Variants in PDE3B observed in about 807,000 individuals in gnomAD.
The protein encoded by PDE3B is cGMP-inhibited 3',5'-cyclic phosphodiesterase 3B.
In PDE3B, 66 loss-of-function variants were observed where a neutral mutation model predicts 116.8. The ratio of observed to expected loss-of-function variants is 0.56; its 90% CI spans 0.46 to 0.69. PDE3B has a LOEUF of 0.69. Among genes scored for constraint, PDE3B ranks in the 30% least tolerant of loss-of-function variants. The pLI, the probability that PDE3B is intolerant of heterozygous loss-of-function variation, is 0.00. For missense variants in PDE3B, 1,384 were observed against 1,368.1 expected (o/e 1.01, Z -0.18); for synonymous variants, 595 against 533.6 (o/e 1.12, Z -1.59).
At chr11:14,735,212 T>G (rs1297929761) in intron 1 of PDE3B, among the ~76,000 whole-genome samples, 1 of 152,110 alleles carries the variant, frequency 6.6e-6, no homozygotes, top group African/African-American at 2.4e-5. Flanking sequence ...AGATGAAAAG[T>G]TTCTAGATAC....
rs922178231 is a variant in PDE3B, at chr11:14,757,551, C to T, written c.979-14386C>T. ...TTTTGATTTGCATTTCTCTGATGGCCAGTGATGATGAGCATTTTTTCATGT... is the reference window on the plus strand; with the variant it reads ...TTTTGATTTGCATTTCTCTGATGGCTAGTGATGATGAGCATTTTTTCATGT... On this transcript the variant is annotated intron_variant, in intron 1 of 15. Coordinates refer to ENST00000282096, the MANE Select transcript of PDE3B (RefSeq NM_000922.4). Among the ~76,000 whole-genome samples the T allele has an allele frequency of 3.5e-5, 5 of 142,362 alleles. No homozygotes were observed. In the Middle Eastern group the frequency reaches 0.01, roughly 295 times the overall value. 93.4% of individuals were successfully genotyped at this position (142,362 alleles called of 152,430 possible).
intron 7 of PDE3B, among the ~76,000 whole-genome samples, chr11:14,819,728 G>C (rs1054225396): frequency 6.6e-6 from 1 of 151,976 alleles, no homozygotes; most frequent in African/African-American, 2.4e-5. Flanking sequence ...AGCTAGAAAA[G>C]GTGGATGAAT....
chr11:14,879,314 A>G, the PDE3B span: 1 of 1,613,174 alleles, frequency 6.2e-7, no homozygotes, highest in Non-Finnish European at 8.5e-7. Flanking sequence ...GAAAATCCCT[A>G]ATGGAACTAT....
chr11:14,749,159 G>A (rs1375811609), intron 1 of PDE3B, among the ~76,000 whole-genome samples: 2 of 152,098 alleles, frequency 1.3e-5, no homozygotes, highest in Admixed American at 6.6e-5. Context: ...AAAGTGCTGG[G>A]ATTACAAGCG....
chr11:14,768,576 T>C (rs1857557545), intron 1 of PDE3B, among the ~76,000 whole-genome samples: 1 of 151,536 alleles, frequency 6.6e-6, no homozygotes, highest in Non-Finnish European at 1.5e-5. Flanking sequence ...CTATACTCCA[T>C]TGTATGAATA....
chr11:14,779,846 A>G (rs1359017908), intron 2 of PDE3B, among the ~76,000 whole-genome samples: 1 of 152,230 alleles, frequency 6.6e-6, no homozygotes, highest in Non-Finnish European at 1.5e-5. Flanking sequence ...AATGGATTAA[A>G]TGCTCCAATT....
At chr11:14,843,329 T>G (rs1208437707) in intron 11 of PDE3B, among the ~76,000 whole-genome samples, 1 of 152,044 alleles carries the variant, frequency 6.6e-6, no homozygotes, top group African/African-American at 2.4e-5. Flanking sequence ...AGATAAGGAG[T>G]TGTAGTTAGG....
intron 4 of PDE3B, among the ~76,000 whole-genome samples, chr11:14,800,334 G>A (rs1371825210): frequency 6.6e-6 from 1 of 152,076 alleles, no homozygotes; most frequent in Non-Finnish European, 1.5e-5. Flanking sequence ...GCGTGGTGGT[G>A]CGCGCCTGTA....
rs1848145393 is a variant in PDE3B at position 14,871,779 on chromosome 11, G to GA, written c.*2122dup. On this transcript the variant is annotated 3_prime_UTR_variant, in exon 16 of 16. Coordinates refer to ENST00000282096, the MANE Select transcript of PDE3B (RefSeq NM_000922.4). Reference sequence around the variant, plus strand: ...CCCAAAAAAGTATCTCTCCCGAGCTGAAACTTAAAAATTCGTAAGTGTAAG... The same window carrying GA: ...CCCAAAAAAGTATCTCTCCCGAGCTGAAAACTTAAAAATTCGTAAGTGTAAG... 3 of 152,098 alleles carry GA rather than the reference G, an allele frequency of 2.0e-5. No individual in the cohort carries two copies. The highest frequency in any genetic ancestry group is 7.2e-5 in the African/African-American group (3 of 41,420). The allele number at this position is 152,098 out of a possible 1,614,324, so 9.4% of individuals were successfully genotyped here. A position where few individuals can be genotyped will look rare whatever the true frequency, so the allele number is the denominator to read the frequency against.
At chr11:14,792,295 T>C (rs1858413237) in intron 4 of PDE3B, among the ~76,000 whole-genome samples, 1 of 152,208 alleles carries the variant, frequency 6.6e-6, no homozygotes, top group South Asian at 2.1e-4. Flanking sequence ...TTTAAGACTC[T>C]TCCTTGATGT....
intron 1 of PDE3B, among the ~76,000 whole-genome samples, chr11:14,661,575 G>A (rs1853911781): frequency 6.6e-6 from 1 of 152,202 alleles, no homozygotes; most frequent in South Asian, 2.1e-4. Flanking sequence ...GTGACAGACG[G>A]CACCTGGAAA....
intron 13 of PDE3B, among the ~76,000 whole-genome samples, chr11:14,860,113 G>A (rs1847919324): frequency 6.6e-6 from 1 of 152,236 alleles, no homozygotes; most frequent in South Asian, 2.1e-4. Context: ...TCAGTGAGAA[G>A]TAAGGGTACC....
chr11:14,821,554 T>G (rs1859514314), intron 7 of PDE3B, among the ~76,000 whole-genome samples: 1 of 152,188 alleles, frequency 6.6e-6, no homozygotes, highest in African/African-American at 2.4e-5. Context: ...CAAACAACTT[T>G]TAGATTAACT....
intron 1 of PDE3B, among the ~76,000 whole-genome samples, chr11:14,700,148 A>G (rs1490120952): frequency 2.6e-5 from 4 of 151,818 alleles, no homozygotes; most frequent in Non-Finnish European, 4.4e-5. Context: ...TTTATTTGCC[A>G]TTGTATAGGC....
chr11:14,847,386 C>T (rs1847632961), intron 12 of PDE3B, among the ~76,000 whole-genome samples: 1 of 151,300 alleles, frequency 6.6e-6, no homozygotes, highest in East Asian at 1.9e-4. Flanking sequence ...CAAGAGAAAG[C>T]AGGAAAGATC....
At chr11:14,720,717 C>G (rs1856041132) in intron 1 of PDE3B, among the ~76,000 whole-genome samples, 1 of 7,440 alleles carries the variant, frequency 1.3e-4, no homozygotes, top group Non-Finnish European at 2.3e-4. Context: ...AACTGGCTAG[C>G]CATATGTAGA....
At chr11:14,802,604 C>T (rs932179824) in intron 4 of PDE3B, among the ~76,000 whole-genome samples, 2 of 152,154 alleles carry the variant, frequency 1.3e-5, no homozygotes, top group African/African-American at 2.4e-5. Context: ...AACCATCTTG[C>T]CTGGGAACAC....
chr11:14,735,958 T>TTGTG (rs59099319), intron 1 of PDE3B, among the ~76,000 whole-genome samples: 9,757 of 142,922 alleles, frequency 0.068, 397 homozygotes, highest in East Asian at 0.14. Flanking sequence ...GAATAATAGG[T>TTGTG]TGTGTGTGTG....
chr11:14,783,203 A>G (rs1858080738), intron 2 of PDE3B, among the ~76,000 whole-genome samples: 2 of 152,238 alleles, frequency 1.3e-5, no homozygotes, highest in African/African-American at 4.8e-5. Flanking sequence ...CAGTATGGTG[A>G]TTGCTGAAGG....
Sources: allele counts gnomAD v4.1 joint callset (sites outside exome capture counted in the v4.1 genomes callset), GRCh38; gene constraint gnomAD v4.1.1; transcripts MANE v1.5; gene names NCBI Gene and HGNC (gene_info 2026-07-23, HGNC 2026-07-21).